The following TTLL3 variants were observed in gnomAD, a reference collection of about 807,000 sequenced individuals.
TTLL3 encodes the protein tubulin tyrosine ligase like 3.
Under a neutral mutation model 75.2 loss-of-function variants are expected in TTLL3, and 63 were observed. The ratio of observed to expected loss-of-function variants is 0.84; its 90% CI spans 0.68 to 1.03. TTLL3 has a LOEUF of 1.03. Ranked by LOEUF, TTLL3 falls within the 50% of genes least tolerant of loss-of-function variation. The probability of loss-of-function intolerance (pLI) is 0.00; values close to 1 mark genes in which losing one functional copy is unlikely to be tolerated. For missense variants in TTLL3, 997 were observed against 1,069.9 expected (o/e 0.93, Z 0.95); for synonymous variants, 393 against 418.5 (o/e 0.94, Z 0.74).
At chr3:9,823,340 C>T (rs561853610) in intron 8 of TTLL3, among the ~76,000 whole-genome samples, 1 of 150,394 alleles carries the variant, frequency 6.6e-6, no homozygotes, top group South Asian at 2.1e-4. Flanking sequence ...GCCGAGATCG[C>T]GCCACTGCAC....
At chr3:9,822,289 G>A (rs965251535) in intron 8 of TTLL3, among the ~76,000 whole-genome samples, 36 of 151,210 alleles carry the variant, frequency 2.4e-4, no homozygotes, top group African/African-American at 8.2e-4. Flanking sequence ...GACTGGTATC[G>A]AACTCCTGAC....
intron 7 of TTLL3, 155 bp from the exon 8 acceptor site, chr3:9,820,391 C>T: frequency 6.6e-7 from 1 of 1,505,398 alleles, no homozygotes; most frequent in South Asian, 1.4e-5. Flanking sequence ...AGAGCAAAGC[C>T]TCAGCTAAGT....
At chr3:9,832,131 G>A (rs558853656) in intron 11 of TTLL3, among the ~76,000 whole-genome samples, 2 of 121,028 alleles carry the variant, frequency 1.7e-5, no homozygotes, top group East Asian at 4.3e-4. Context: ...TTTCACCCAG[G>A]CTGGAGTACA....
At chr3:9,813,406 G>C in intron 4 of TTLL3, 61 bp downstream of exon 4, 2 of 1,583,984 alleles carry the variant, frequency 1.3e-6, no homozygotes, top group Non-Finnish European at 1.7e-6. Context: ...GGGCATTGGT[G>C]TCCAGCTGGG....
rs2081304955 is a variant in TTLL3 at position 9,829,058 on chromosome 3, G to A, written c.1346G>A (p.Arg449Lys). The A allele has an allele frequency of 1.2e-6, 2 of 1,614,242 alleles. No individual in the cohort carries two copies. The highest frequency in any genetic ancestry group is 1.7e-5 in the Admixed American group (1 of 60,022). The change falls in exon 11 of 14, where the codon AGG becomes AAG. Residue 449 changes from arginine to lysine, a missense_variant. Arg to Lys is a conservative substitution (Grantham distance 26, BLOSUM62 2). Coordinates refer to ENST00000685419, the MANE Select transcript of TTLL3 (RefSeq NM_001387446.1). The part of the protein sequence containing the change: ...LPPDNMWSSQ[R>K]FQAHLQEMGA... ...CCAGACAACATGTGGTCTAGCCAGA[G>A]GTTCCAGGCCCACCTGCAGGAGATG... is the stretch of plus-strand genomic sequence containing the variant.
chr3:9,829,273 C>A lies in TTLL3; in HGVS notation c.1561C>A (p.Pro521Thr). ...GATCAACGCCAGCCCCACGATGGCA[C>A]CCTCCACAGCAGTCACTGCCCGGCT... ...IEINASPTMAPSTAVTARLCA... is the reference protein window; with the variant it reads ...IEINASPTMATSTAVTARLCA... Residue 521 changes from proline to threonine, a missense_variant, in exon 11 of 14, where the codon CCC becomes ACC. Transcript: ENST00000685419. The A allele has an allele frequency of 6.2e-7, 1 of 1,614,184 alleles. No homozygotes were observed. Among genetic ancestry groups the A allele is most frequent in the South Asian group, 1.1e-5 (1 of 91,084 alleles).
At chr3:9,823,614 A>G (rs1325606074) in intron 8 of TTLL3, among the ~76,000 whole-genome samples, 1 of 152,118 alleles carries the variant, frequency 6.6e-6, no homozygotes, top group Non-Finnish European at 1.5e-5. Context: ...ACTTCATGCT[A>G]CGGACCACAG....
intron 4 of TTLL3, among the ~76,000 whole-genome samples, chr3:9,814,366 C>G (rs1275942537): frequency 6.8e-6 from 1 of 147,188 alleles, no homozygotes; most frequent in Non-Finnish European, 1.5e-5. Flanking sequence ...AAAATAAAGG[C>G]CAGGAGCAGT....
chr3:9,820,791 TA>T, intron 8 of TTLL3, 50 bp downstream of exon 8: 2 of 1,603,094 alleles, frequency 1.2e-6, no homozygotes, highest in Non-Finnish European at 1.7e-6. Context: ...TGCTTAGGGA[TA>T]GACCCTTTCT....
chr3:9,824,296 C>T (rs991744750), intron 8 of TTLL3, among the ~76,000 whole-genome samples: 1 of 152,172 alleles, frequency 6.6e-6, no homozygotes, highest in East Asian at 1.9e-4. Flanking sequence ...GGAATGAACC[C>T]CAAAAAGCAC....
intron 6 of TTLL3, 23 bp from the exon 7 acceptor site, chr3:9,818,799 G>A: frequency 6.2e-7 from 1 of 1,613,914 alleles, no homozygotes; most frequent in South Asian, 1.1e-5. Context: ...GGCTGAGCAG[G>A]GTATCCCCTG....
intron 7 of TTLL3, 119 bp downstream of exon 7, chr3:9,819,039 C>G (rs1486901759): frequency 9.2e-6 from 12 of 1,298,198 alleles, no homozygotes; most frequent in South Asian, 1.3e-5. Context: ...ATCCACACAT[C>G]TGTGTATGAT....
chr3:9,820,010 G>A (rs1264562000), intron 7 of TTLL3: 4 of 988,140 alleles, frequency 4.0e-6, no homozygotes, highest in Non-Finnish European at 4.8e-6. Flanking sequence ...GTCTTCTGAA[G>A]GGTCAGTTTC....
upstream of TTLL3, chr3:9,810,244 G>A (rs1315515525): frequency 2.1e-5 from 31 of 1,508,188 alleles, no homozygotes; most frequent in Admixed American, 5.4e-4. The surrounding 1 kb of genome is among the most constrained non-coding windows in gnomAD (Gnocchi z 4.4). Context: ...TCACGCAGGC[G>A]GCAGATGCCA....
intron 2 of TTLL3, among the ~76,000 whole-genome samples, chr3:9,811,389 G>A (rs1282465560): frequency 3.3e-5 from 5 of 152,094 alleles, no homozygotes; most frequent in Non-Finnish European, 7.4e-5. Flanking sequence ...AGTTCCTCAC[G>A]CCAGAAATCT....
chr3:9,823,219 T>C (rs2080657216), intron 8 of TTLL3, among the ~76,000 whole-genome samples: 2 of 151,924 alleles, frequency 1.3e-5, no homozygotes, highest in Admixed American at 1.3e-4. Context: ...CCATCTCTAC[T>C]AAAAATACAA....
At chr3:9,813,175 TC>T in intron 3 of TTLL3, 64 bp downstream of exon 3, 2 of 1,610,506 alleles carry the variant, frequency 1.2e-6, no homozygotes, top group Non-Finnish European at 1.7e-6. Context: ...GTTCCCACTG[TC>T]CCAGAGTTGA....
Position 9,835,122 on chromosome 3 carries a change from C to A in TTLL3, c.2081C>A (p.Pro694His). Residue 694 changes from proline to histidine, a missense_variant, in exon 14 of 14, where the codon CCC (proline) becomes CAC (histidine). Pro to His is a moderately conservative substitution (Grantham distance 77, BLOSUM62 -2). Transcript: ENST00000685419. ...KAPALLCLRG[P>H]QLEVPCCLCP... ...CCTGCTCTCCTGTGCCTCCGAGGCC[C>A]CCAGCTGGAAGTGCCTTGTTGCCTC... The A allele has an allele frequency of 6.2e-7, 1 of 1,612,776 alleles. No homozygotes were observed. The highest frequency in any genetic ancestry group is 8.5e-7 in the Non-Finnish European group (1 of 1,179,102).
intron 11 of TTLL3, among the ~76,000 whole-genome samples, chr3:9,831,436 G>A (rs543267656): frequency 6.6e-6 from 1 of 152,308 alleles, no homozygotes; most frequent in South Asian, 2.1e-4. Context: ...CGTACCTCAT[G>A]TGGCATCACA....
Sources: gnomAD v4.1 joint callset for allele counts (sites outside exome capture counted in the v4.1 genomes callset) on GRCh38, gnomAD v4.1.1 for gene constraint, Gnocchi (gnomAD v3.1) non-coding constraint, MANE v1.5 for transcripts, NCBI Gene and HGNC (gene_info 2026-07-23, HGNC 2026-07-21) for gene names.